SATB1: variants seen among roughly 807,000 people sequenced by gnomAD.
SATB1 encodes SATB homeobox 1, also known as DNA-binding protein SATB1.
A neutral mutation model predicts 86.9 loss-of-function variants in SATB1; 11 were observed. The ratio of observed to expected loss-of-function variants is 0.13; its 90% confidence interval spans 0.08 to 0.21. The LOEUF (loss-of-function observed/expected upper bound fraction) is 0.21. Among genes scored for constraint, SATB1 ranks in the 10% least tolerant of loss-of-function variants. The probability of loss-of-function intolerance (pLI) is 1.00; values close to 1 mark genes in which losing one functional copy is unlikely to be tolerated. For synonymous variants in SATB1, 357 were observed against 357.2 expected, an observed-to-expected ratio of 1.00 and a Z score of 0.01; for missense variants, 551 against 937.6, an observed-to-expected ratio of 0.59 and a Z score of 5.39.
intron 9 of SATB1, among the ~76,000 whole-genome samples, chr3:18,353,793 G>A (rs138886645): frequency 0.013 from 2,001 of 152,320 alleles, 48 homozygotes; most frequent in African/African-American, 0.046. Flanking sequence ...TATCTGCTAA[G>A]CAGCTCATCG....
intron 9 of SATB1, among the ~76,000 whole-genome samples, chr3:18,362,399 A>T (rs1025955972): frequency 6.6e-6 from 1 of 152,104 alleles, no homozygotes; most frequent in African/African-American, 2.4e-5. Context: ...AACAAATTCA[A>T]GCGGCAGCAA....
At chr3:18,445,537 ACG>A in exon 1 of SATB1, 1 of 984,490 alleles carries the variant, frequency 1.0e-6, no homozygotes, top group Non-Finnish European at 1.2e-6. Context: ...GGCCCCCAAC[ACG>A]CGCACTCCTC....
chr3:18,421,166 T>C (rs1340320911), intron 1 of SATB1, 175 bp from the exon 2 acceptor site: 4 of 555,012 alleles, frequency 7.2e-6, no homozygotes, highest in Admixed American at 6.6e-5. Context: ...TAGCATTACA[T>C]TCTTATTCAA....
chr3:18,434,401 A>T (rs1698991448), intron 2 of SATB1, among the ~76,000 whole-genome samples: 1 of 151,770 alleles, frequency 6.6e-6, no homozygotes, highest in African/African-American at 2.4e-5. Context: ...ATATATATAA[A>T]ATATACACAT....
chr3:18,433,914 T>C (rs1183138017), intron 2 of SATB1, among the ~76,000 whole-genome samples: 1 of 152,092 alleles, frequency 6.6e-6, no homozygotes, highest in African/African-American at 2.4e-5. Context: ...AAAAAAGAAC[T>C]AGAGAGCCTT....
In SATB1 at chr3:18,349,217, G is replaced by A. The variant is rs766424884; in HGVS notation, c.2245C>T (p.Leu749=). ...TLFSVKLEEE[L]SVEGNTDINT... The stretch of plus-strand genomic sequence containing the variant: ...ATGTCTGTGTTTCCTTCCACTGACA[G>A]CTCTTCTTCTAGTTTCACTGAAAAA... Residue 749 remains leucine, a synonymous_variant, in exon 11 of 11, where the codon CTG becomes TTG. Coordinates refer to ENST00000338745, the MANE Select transcript of SATB1 (RefSeq NM_002971.6). This position sits in a 1 kb window ranked among gnomAD's most constrained non-coding sequence, Gnocchi z 5.5. The A allele has an allele frequency of 6.2e-7, 1 of 1,614,120 alleles. No homozygotes were observed. The highest frequency in any genetic ancestry group is 8.5e-7 in the Non-Finnish European group (1 of 1,179,996).
intron 2 of SATB1, among the ~76,000 whole-genome samples, chr3:18,418,054 G>C (rs549826394): frequency 6.6e-6 from 1 of 152,188 alleles, no homozygotes; most frequent in Middle Eastern, 3.4e-3. Flanking sequence ...CAATGATAAC[G>C]GAAAAGGGTT....
intron 8 of SATB1, among the ~76,000 whole-genome samples, chr3:18,383,957 T>TAC (rs1413593232): frequency 6.6e-6 from 1 of 152,202 alleles, no homozygotes; most frequent in Non-Finnish European, 1.5e-5. Flanking sequence ...AAAATAAAAT[T>TAC]ACACACACAT....
chr3:18,411,402 G>C (rs1269383246), intron 5 of SATB1, among the ~76,000 whole-genome samples: 4 of 152,024 alleles, frequency 2.6e-5, no homozygotes, highest in South Asian at 2.1e-4. Flanking sequence ...CATTACGCTG[G>C]TAGAAGTAAT....
rs1298326117 is a variant in SATB1 at position 18,394,012 on chromosome 3, C to T, written c.1206+450G>A. 1.3e-5 allele frequency among the ~76,000 whole-genome samples: 2 copies of T among 152,116 alleles called. No homozygotes were observed. The highest frequency in any genetic ancestry group is 2.9e-5 in the Non-Finnish European group (2 of 68,030). ...ACAAACAACAACAACAACAACAACG[C>T]TGCAGTAGAACTTTAAGAGGGAACA... On this transcript the variant is annotated intron_variant, in intron 7 of 10. Transcript: ENST00000338745. This position sits in a 1 kb window ranked among gnomAD's most constrained non-coding sequence, Gnocchi z 5.9.
At chr3:18,351,300 T>C in intron 10 of SATB1, 3 of 1,537,926 alleles carry the variant, frequency 2.0e-6, no homozygotes, top group Non-Finnish European at 2.6e-6. Context: ...CATAGGTAAC[T>C]GTGCCCGCTC....
At chr3:18,351,343 G>GGTC in intron 10 of SATB1, 2 of 1,553,252 alleles carry the variant, frequency 1.3e-6, no homozygotes, top group Non-Finnish European at 1.7e-6. Context: ...ATGGTGCAGG[G>GGTC]GTCGGCAGGC....
At chr3:18,396,704 T>G (rs1478841906) in intron 6 of SATB1, among the ~76,000 whole-genome samples, 1 of 152,132 alleles carries the variant, frequency 6.6e-6, no homozygotes, top group Non-Finnish European at 1.5e-5. Context: ...CCATGGCGGC[T>G]GGGGGTTAGA....
upstream of SATB1, among the ~76,000 whole-genome samples, chr3:18,441,066 T>C (rs1328542): frequency 0.25 from 37,820 of 152,072 alleles, 5,291 homozygotes; most frequent in South Asian, 0.36. Flanking sequence ...TATTCTGCTC[T>C]CTGAAATATC....
rs371996795 is a variant in SATB1, at chr3:18,413,723, C to G, written c.639+1388G>C. On this transcript the variant is annotated intron_variant, in intron 5 of 10. Coordinates refer to ENST00000338745, the MANE Select transcript of SATB1 (RefSeq NM_002971.6). ...TTAGCTGTAGGTATAACTGAAATGA[C>G]AAATAAGAGTTTTCTCTGAATTGCA... Among the ~76,000 whole-genome samples the G allele has an allele frequency of 5.9e-5, 9 of 152,090 alleles. No homozygotes were observed. The East Asian group carries it at 9.7e-4, about 16-fold the overall frequency.
At chr3:18,423,170 C>A (rs1237037144) in intron 1 of SATB1, among the ~76,000 whole-genome samples, 1 of 152,152 alleles carries the variant, frequency 6.6e-6, no homozygotes, top group African/African-American at 2.4e-5. Flanking sequence ...TCAACAGATG[C>A]CAGGCTGAAG....
rs755862787 is a variant in SATB1, at chr3:18,351,237, C to T, written c.1779+755G>A. ...GTAGGGCCTTTACAGGTTTGAAAAT[C>T]CTGACCTGGGGAGCAGGTCTTTAGG... On this transcript the variant is annotated intron_variant, in intron 10 of 10. Transcript: ENST00000338745. The T allele has an allele frequency of 5.4e-4, 673 of 1,257,514 alleles. 1 individual carries two copies. The Middle Eastern group carries it at 6.1e-3, about 11-fold the overall frequency. The allele number at this position is 1,257,514 out of a possible 1,614,324, so 77.9% of individuals were successfully genotyped here. A position where few individuals can be genotyped will look rare whatever the true frequency, so the allele number is the denominator to read the frequency against.
chr3:18,351,804 C>T (rs534046372), intron 10 of SATB1, 188 bp downstream of exon 10: 6 of 606,888 alleles, frequency 9.9e-6, no homozygotes, highest in Non-Finnish European at 1.7e-5. Context: ...AAGAGGAACA[C>T]GATACATACG....
In SATB1 at chr3:18,347,348, A is replaced by C. The variant is rs1192275500; in HGVS notation, c.*1822T>G. ...AGCACACCTCATTTTATATTCTGGC[A>C]TTTTACTATGTTTAATGTTGCAAGA... On this transcript the variant is annotated 3_prime_UTR_variant, in exon 11 of 11. Transcript: ENST00000338745. The C allele has an allele frequency of 2.6e-5, 4 of 152,094 alleles. No individual in the cohort carries two copies. Among genetic ancestry groups the C allele is most frequent in the Non-Finnish European group, 5.9e-5 (4 of 67,996 alleles). 9.4% of individuals were successfully genotyped at this position (152,094 alleles called of 1,614,324 possible). A position where few individuals can be genotyped will look rare whatever the true frequency, so the allele number is the denominator to read the frequency against.
Sources: allele counts gnomAD v4.1 joint callset (sites outside exome capture counted in the v4.1 genomes callset), GRCh38; gene constraint gnomAD v4.1.1; non-coding constraint Gnocchi (gnomAD v3.1); transcripts MANE v1.5; gene names NCBI Gene and HGNC (gene_info 2026-07-23, HGNC 2026-07-21).